The following GALNT18 variants were observed in gnomAD, a reference collection of about 807,000 sequenced individuals.
GALNT18 encodes the protein polypeptide N-acetylgalactosaminyltransferase 18, also known as GalNAc-transferase 18.
Under a neutral mutation model 69.5 loss-of-function variants are expected in GALNT18, and 44 were observed. The ratio of observed to expected loss-of-function variants is 0.63; its 90% CI spans 0.50 to 0.81. The LOEUF is 0.81. GALNT18 is among the 40% of genes least tolerant of loss of function. The pLI is 0.00. For missense variants in GALNT18, 715 were observed against 810.0 expected (o/e 0.88, Z 1.42); for synonymous variants, 364 against 318.2 (o/e 1.14, Z -1.53).
intron 7 of GALNT18, among the ~76,000 whole-genome samples, chr11:11,336,316 T>A (rs1850112849): frequency 6.6e-6 from 1 of 152,048 alleles, no homozygotes; most frequent in Non-Finnish European, 1.5e-5. Context: ...AGGGAGCAGG[T>A]GAGAGGGCCA....
Position 11,396,239 on chromosome 11 carries a change from T to C in GALNT18, c.596-16975A>G, listed in dbSNP as rs1014640598. Among the ~76,000 whole-genome samples, 7 of 152,206 alleles carry C rather than the reference T, an allele frequency of 4.6e-5. No individual in the cohort carries two copies. Among genetic ancestry groups the C allele is most frequent in the Admixed American group, 2.6e-4 (4 of 15,284 alleles). ...AAGAACTGGCACGACAGCGGCTGGG[T>C]CTGTCAGTGGTGTTCGCAAACAGTG... On this transcript the variant is annotated intron_variant, in intron 3 of 10. Coordinates refer to ENST00000227756, the MANE Select transcript of GALNT18 (RefSeq NM_198516.3). This position sits in a 1 kb window ranked among gnomAD's most constrained non-coding sequence, Gnocchi z 5.2.
intron 1 of GALNT18, among the ~76,000 whole-genome samples, chr11:11,501,107 T>G (rs372810308): frequency 2.6e-5 from 4 of 152,222 alleles, no homozygotes; most frequent in Non-Finnish European, 4.4e-5. Context: ...CCTATTGAAC[T>G]GTTTAAGTGT....
intron 6 of GALNT18, among the ~76,000 whole-genome samples, chr11:11,369,932 C>G (rs1850859875): frequency 6.6e-6 from 1 of 152,048 alleles, no homozygotes; most frequent in Admixed American, 6.6e-5. Context: ...AGACGGTGCT[C>G]AAAGTACTTT....
Position 11,587,399 on chromosome 11 carries a change from C to T in GALNT18, c.235+33960G>A, listed in dbSNP as rs1470309108. ...CTGACCCCATCAGCAAAGCAGGCTT[C>T]CCTTCAAGGAATCCGTTACACACCA... On this transcript the variant is annotated intron_variant, in intron 1 of 10. Transcript: ENST00000227756. The surrounding 1 kb of genome is among the most constrained non-coding windows in gnomAD (Gnocchi z 4.4). 1.3e-5 allele frequency among the ~76,000 whole-genome samples: 2 copies of T among 152,170 alleles called. No homozygotes were observed.
rs1011143786 is a variant in GALNT18, at chr11:11,320,952, C to T, written c.1512+6134G>A. Among the ~76,000 whole-genome samples, 1 of 152,192 alleles carries T rather than the reference C, an allele frequency of 6.6e-6. No homozygotes were observed. Among genetic ancestry groups the T allele is most frequent in the African/African-American group, 2.4e-5 (1 of 41,446 alleles). On this transcript the variant is annotated intron_variant, in intron 9 of 10. Transcript: ENST00000227756. The surrounding 1 kb of genome is among the most constrained non-coding windows in gnomAD (Gnocchi z 4.9). Reference sequence around the variant, plus strand: ...AGCATGGCCTGGCGTGAAAGGTCACCAGGACACCAAGGGCTCCCTGTACAG... The same window carrying T: ...AGCATGGCCTGGCGTGAAAGGTCACTAGGACACCAAGGGCTCCCTGTACAG...
Position 11,404,105 on chromosome 11 carries a change from C to G in GALNT18, c.596-24841G>C, listed in dbSNP as rs1429647376. Among the ~76,000 whole-genome samples, 6 of 152,222 alleles carry G rather than the reference C, an allele frequency of 3.9e-5. No homozygotes were observed. The highest frequency in any genetic ancestry group is 7.3e-5 in the Non-Finnish European group (5 of 68,028). On this transcript the variant is annotated intron_variant, in intron 3 of 10. Transcript: ENST00000227756. The surrounding 1 kb of genome is among the most constrained non-coding windows in gnomAD (Gnocchi z 4.5). ...CGAATGCCCCGCCACTTGCTGGCAG[C>G]AGGAGGAGAGCATTCCCATGTCTCA...
At chr11:11,346,748 C>T (rs753506254) in intron 6 of GALNT18, among the ~76,000 whole-genome samples, 7 of 152,084 alleles carry the variant, frequency 4.6e-5, no homozygotes, top group Non-Finnish European at 1.0e-4. Context: ...TGGGGCAGAG[C>T]AAAATCACAC....
chr11:11,327,129 T>A lies in GALNT18; in HGVS notation c.1469A>T (p.Glu490Val), dbSNP rs1252549359. The A allele has an allele frequency of 1.2e-6, 2 of 1,613,970 alleles. No homozygotes were observed. Among genetic ancestry groups the A allele is most frequent in the Non-Finnish European group, 1.7e-6 (2 of 1,179,958 alleles). Reference protein sequence around the residue: ...DLCLDQGPDTENVPIMYICHG... With the variant: ...DLCLDQGPDTVNVPIMYICHG... ...GCAGATGTACATGATGGGGACATTCTCTGTATCTGGCCCCTGGTCAAGACA... is the reference window on the plus strand; with the variant it reads ...GCAGATGTACATGATGGGGACATTCACTGTATCTGGCCCCTGGTCAAGACA... Residue 490 changes from glutamate (E) to valine (V), a missense_variant, in exon 9 of 11, where the codon GAG (glutamate) becomes GTG (valine). Physicochemically the swap from Glu to Val is moderately radical, Grantham distance 121. Transcript: ENST00000227756.
intron 6 of GALNT18, among the ~76,000 whole-genome samples, chr11:11,363,469 A>G (rs1850687013): frequency 6.6e-6 from 1 of 152,214 alleles, no homozygotes; most frequent in African/African-American, 2.4e-5. Flanking sequence ...CATTGGTGGT[A>G]GCATTGTCAT....
At position 11,621,335 on chromosome 11, in the gene GALNT18, C is replaced by A; in HGVS notation, c.235+24G>T. 1 of 1,605,900 alleles carries A rather than the reference C, an allele frequency of 6.2e-7. No individual in the cohort carries two copies. The highest frequency in any genetic ancestry group is 8.5e-7 in the Non-Finnish European group (1 of 1,173,764). On this transcript the variant is annotated intron_variant, in intron 1 of 10. Transcript: ENST00000227756. The surrounding 1 kb of genome is among the most constrained non-coding windows in gnomAD (Gnocchi z 9.3). ...GGGCACTCCCGGGCCTCATGGGCGA[C>A]CCAAGTTTCCGGGGCGCCCGTACCT...
chr11:11,501,935 T>G (rs1392529417), intron 1 of GALNT18, among the ~76,000 whole-genome samples: 3 of 152,216 alleles, frequency 2.0e-5, no homozygotes, highest in South Asian at 2.1e-4. Flanking sequence ...GCCTGAGATC[T>G]TGCTTCTACG....
rs140413493 is a variant in GALNT18 at position 11,423,020 on chromosome 11, C to T, written c.595+9601G>A. ...GTTCACACAAGCACACACAAGCCCACGTGCCCATGTGCCTGTATATGCTGC... is the reference window on the plus strand; with the variant it reads ...GTTCACACAAGCACACACAAGCCCATGTGCCCATGTGCCTGTATATGCTGC... On this transcript the variant is annotated intron_variant, in intron 3 of 10. Coordinates refer to ENST00000227756, the MANE Select transcript of GALNT18 (RefSeq NM_198516.3). 5.8e-4 allele frequency among the ~76,000 whole-genome samples: 89 copies of T among 152,322 alleles called. 1 individual carries two copies. In the Middle Eastern group the frequency reaches 0.01, roughly 17 times the overall value.
At chr11:11,580,758 C>A (rs1281806598) in intron 1 of GALNT18, among the ~76,000 whole-genome samples, 1 of 152,210 alleles carries the variant, frequency 6.6e-6, no homozygotes, top group Non-Finnish European at 1.5e-5. Flanking sequence ...TGCCTCCATC[C>A]CTAACTCACT....
In GALNT18 at chr11:11,318,067, C is replaced by T. The variant is rs1237373510; in HGVS notation, c.1512+9019G>A. ...CAAGATCTCCCGGACACACAGAAAACCACAACTTGCTACCCCTCTGAGTCA... is the reference window on the plus strand; with the variant it reads ...CAAGATCTCCCGGACACACAGAAAATCACAACTTGCTACCCCTCTGAGTCA... On this transcript the variant is annotated intron_variant, in intron 9 of 10. Coordinates refer to ENST00000227756, the MANE Select transcript of GALNT18 (RefSeq NM_198516.3). This position sits in a 1 kb window ranked among gnomAD's most constrained non-coding sequence, Gnocchi z 5.1. 6.6e-6 allele frequency among the ~76,000 whole-genome samples: 1 copy of T among 152,176 alleles called. No homozygotes were observed. The highest frequency in any genetic ancestry group is 2.1e-4 in the South Asian group (1 of 4,826).
At chr11:11,434,930 T>C (rs770848251) in intron 2 of GALNT18, among the ~76,000 whole-genome samples, 3 of 152,218 alleles carry the variant, frequency 2.0e-5, no homozygotes, top group Non-Finnish European at 2.9e-5. Context: ...AGACCAGCAG[T>C]TGGGTTTTCC....
At chr11:11,431,298 G>T (rs904292622) in intron 3 of GALNT18, among the ~76,000 whole-genome samples, 1 of 143,902 alleles carries the variant, frequency 6.9e-6, no homozygotes, top group East Asian at 1.9e-4. Flanking sequence ...TCCAGGGATA[G>T]AGTGTGTGGG....
chr11:11,534,838 A>G (rs1328251100), intron 1 of GALNT18, among the ~76,000 whole-genome samples: 2 of 152,228 alleles, frequency 1.3e-5, no homozygotes, highest in African/African-American at 4.8e-5. Context: ...GTGGCCTTTA[A>G]ATGCTGGATT....
intron 9 of GALNT18, among the ~76,000 whole-genome samples, chr11:11,319,210 C>T (rs895315873): frequency 6.8e-6 from 1 of 146,166 alleles, no homozygotes; most frequent in African/African-American, 2.4e-5. Context: ...GTCCTGCCTT[C>T]TTGCCCTTCT....
intron 1 of GALNT18, among the ~76,000 whole-genome samples, chr11:11,550,412 G>T (rs1027426312): frequency 6.6e-6 from 1 of 152,174 alleles, no homozygotes; most frequent in African/African-American, 2.4e-5. Flanking sequence ...CTGCAGTTGG[G>T]GAAACTTGGC....
Sources: allele counts gnomAD v4.1 joint callset (sites outside exome capture counted in the v4.1 genomes callset), GRCh38; gene constraint gnomAD v4.1.1; non-coding constraint Gnocchi (gnomAD v3.1); transcripts MANE v1.5; gene names NCBI Gene and HGNC (gene_info 2026-07-23, HGNC 2026-07-21).